PPIC: variants seen among roughly 807,000 people sequenced by gnomAD.
The protein encoded by PPIC is peptidylprolyl isomerase C, also known as peptidyl-prolyl cis-trans isomerase C.
Under a neutral mutation model 19.5 loss-of-function variants are expected in PPIC, and 19 were observed. That is an observed-to-expected ratio of 0.98 (90% confidence interval 0.68 to 1.43). PPIC has a LOEUF of 1.43. PPIC is among the 40% of genes most tolerant of loss of function. The pLI is 0.00. For missense variants in PPIC, 268 were observed against 268.6 expected (o/e 1.00, Z 0.02); for synonymous variants, 107 against 101.2 (o/e 1.06, Z -0.34).
At chr5:123,027,051 G>A (rs4997240) in intron 3 of PPIC, among the ~76,000 whole-genome samples, 2,467 of 152,150 alleles carry the variant, frequency 0.016, 59 homozygotes, top group African/African-American at 0.042. Context: ...AAAATCAGCC[G>A]GGCATGGTGG....
chr5:123,029,420 T>C lies in PPIC; in HGVS notation c.118-2A>G. The stretch of plus-strand genomic sequence containing the variant: ...TCCAATCCTCACATCAAAGAAGACC[T>C]GTGTGCAGTTGAAAGGCAAAGTGGA... On this transcript the variant is annotated splice_acceptor_variant, in intron 1 of 4. Transcript: ENST00000306442. LOFTEE classifies it high-confidence loss of function. 3.8e-6 allele frequency: 6 copies of C among 1,573,786 alleles called. No homozygotes were observed. The highest frequency in any genetic ancestry group is 1.2e-5 in the South Asian group (1 of 84,488).
chr5:123,032,416 GAGTAGAAAC>G (rs1561753141), intron 1 of PPIC, among the ~76,000 whole-genome samples: 1 of 152,206 alleles, frequency 6.6e-6, no homozygotes, highest in African/African-American at 2.4e-5. Flanking sequence ...AAACCCTAAG[GAGTAGAAAC>G]AGTGTTTTTA....
chr5:123,024,747 G>A (rs573138082), intron 4 of PPIC, among the ~76,000 whole-genome samples: 6 of 152,336 alleles, frequency 3.9e-5, no homozygotes, highest in South Asian at 4.1e-4. Context: ...GAACTGCAGC[G>A]AGCAAGACTG....
In PPIC at chr5:123,023,818, A is replaced by ACACACACACACACACACACACC; in HGVS notation, c.*56_*57insGGTGTGTGTGTGTGTGTGTGTG. 2 of 1,588,748 alleles carry ACACACACACACACACACACACC rather than the reference A, an allele frequency of 1.3e-6. No individual in the cohort carries two copies. Among genetic ancestry groups the ACACACACACACACACACACACC allele is most frequent in the Non-Finnish European group, 1.7e-6 (2 of 1,166,122 alleles). On this transcript the variant is annotated 3_prime_UTR_variant, in exon 5 of 5. Coordinates refer to ENST00000306442, the MANE Select transcript of PPIC (RefSeq NM_000943.5). ...TTGAAAGACAACACAACACACACAC[A>ACACACACACACACACACACACC]CACACACACACACACACACCCCTGC...
chr5:123,023,843 C>T lies in PPIC; in HGVS notation c.*32G>A, dbSNP rs966611319. The T allele has an allele frequency of 1.2e-6, 2 of 1,607,224 alleles. No individual in the cohort carries two copies. Among genetic ancestry groups the T allele is most frequent in the Non-Finnish European group, 1.7e-6 (2 of 1,176,818 alleles). ...ACACACACACACACACACACCCCTGCCAAAGCATATCCTTGTTTTCTGCCA... is the reference window on the plus strand; with the variant it reads ...ACACACACACACACACACACCCCTGTCAAAGCATATCCTTGTTTTCTGCCA... On this transcript the variant is annotated 3_prime_UTR_variant, in exon 5 of 5. Transcript: ENST00000306442.
chr5:123,027,533 C>T (rs567927478), intron 3 of PPIC, among the ~76,000 whole-genome samples: 2 of 152,282 alleles, frequency 1.3e-5, no homozygotes, highest in East Asian at 3.9e-4. Flanking sequence ...GATCCACGAG[C>T]GTCCTCAGCA....
Position 123,023,801 on chromosome 5 carries a change from C to A in PPIC, c.*74G>T. ...AAAAAAAAAGCAAATAATTGAAAGA[C>A]AACACAACACACACACACACACACA... On this transcript the variant is annotated 3_prime_UTR_variant, in exon 5 of 5. Transcript: ENST00000306442. 2.1e-6 allele frequency: 3 copies of A among 1,397,002 alleles called. No individual in the cohort carries two copies. The highest frequency in any genetic ancestry group is 1.7e-5 in the South Asian group (1 of 60,334). The allele number at this position is 1,397,002 out of a possible 1,614,324, so 86.5% of individuals were successfully genotyped here.
intron 4 of PPIC, among the ~76,000 whole-genome samples, chr5:123,025,522 C>T (rs1371482103): frequency 6.6e-6 from 1 of 152,018 alleles, no homozygotes; most frequent in Non-Finnish European, 1.5e-5. Flanking sequence ...ATATTGGTTC[C>T]ATTAAAAAGG....
Position 123,028,758 on chromosome 5 carries a change from A to G in PPIC, c.325+17T>C, listed in dbSNP as rs751039705. The G allele has an allele frequency of 2.5e-6, 4 of 1,594,408 alleles. No individual in the cohort carries two copies. The highest frequency in any genetic ancestry group is 1.7e-5 in the Admixed American group (1 of 58,520). ...TTCGGTTTGGTAAATGGGAAAGGAA[A>G]AATGCAAAGACGTTACCCCCAGTGC... On this transcript the variant is annotated intron_variant, in intron 3 of 4. Transcript: ENST00000306442.
chr5:123,025,737 T>C (rs756787273), intron 4 of PPIC, 47 bp downstream of exon 4: 11 of 1,554,312 alleles, frequency 7.1e-6, no homozygotes, highest in Non-Finnish European at 9.7e-6. Flanking sequence ...GAAAGTACTC[T>C]CAATAAAAAT....
At chr5:123,026,046 G>A (rs570496942) in intron 3 of PPIC, 78 bp from the exon 4 acceptor site, 195 of 1,260,540 alleles carry the variant, frequency 1.5e-4, no homozygotes, top group Middle Eastern at 9.3e-4. Context: ...AGGCCTTAGA[G>A]GAATCAATTA....
rs767757035 is a variant in PPIC at position 123,036,515 on chromosome 5, C to T, written c.111G>A (p.Thr37=). The T allele has an allele frequency of 6.2e-7, 1 of 1,606,526 alleles. No individual in the cohort carries two copies. The highest frequency in any genetic ancestry group is 8.5e-7 in the Non-Finnish European group (1 of 1,177,642). Residue 37 remains threonine, a synonymous_variant, in exon 1 of 5, where the codon ACG becomes ACA. Coordinates refer to ENST00000306442, the MANE Select transcript of PPIC (RefSeq NM_000943.5). This position sits in a 1 kb window ranked among gnomAD's most constrained non-coding sequence, Gnocchi z 4.5. ...GCCCGCCGCTCTCGGTCACCTTGGC[C>T]GTCACCGAGGGGCCTCGCTTGCGGA... ...EGFRKRGPSV[T]AKVFFDVRIG...
At chr5:123,026,740 G>A (rs1294380337) in intron 3 of PPIC, among the ~76,000 whole-genome samples, 3 of 152,204 alleles carry the variant, frequency 2.0e-5, no homozygotes, top group Non-Finnish European at 4.4e-5. Flanking sequence ...GAAGTCTGGA[G>A]TTCTAGCAAA....
intron 3 of PPIC, among the ~76,000 whole-genome samples, chr5:123,027,725 G>A (rs1311586867): frequency 1.3e-5 from 2 of 152,172 alleles, no homozygotes; most frequent in Admixed American, 1.3e-4. Flanking sequence ...ATTAGAAATA[G>A]TGCTTGAAAA....
intron 4 of PPIC, among the ~76,000 whole-genome samples, chr5:123,025,327 G>A (rs2150188356): frequency 6.6e-6 from 1 of 152,114 alleles, no homozygotes; most frequent in East Asian, 1.9e-4. Context: ...CCCAGCCCCT[G>A]GCAACTACCA....
At position 123,023,717 on chromosome 5, in the gene PPIC, G is replaced by T; in HGVS notation, c.*158C>A. The T allele has an allele frequency of 8.5e-7, 1 of 1,176,956 alleles. No individual in the cohort carries two copies. The highest frequency in any genetic ancestry group is 2.9e-5 in the East Asian group (1 of 33,906). The allele number at this position is 1,176,956 out of a possible 1,614,324, so 72.9% of individuals were successfully genotyped here. ...CTAAAGTTCAAGCAAACTAAAGGGT[G>T]ACGGTTTGATTTTTATAACTTTCCT... is the stretch of plus-strand genomic sequence containing the variant. On this transcript the variant is annotated 3_prime_UTR_variant, in exon 5 of 5. Coordinates refer to ENST00000306442, the MANE Select transcript of PPIC (RefSeq NM_000943.5).
intron 1 of PPIC, among the ~76,000 whole-genome samples, chr5:123,034,405 G>T (rs1259244085): frequency 2.0e-5 from 3 of 152,138 alleles, no homozygotes; most frequent in Non-Finnish European, 4.4e-5. Context: ...ACAGACAAGG[G>T]TTTAGGATGC....
intron 1 of PPIC, among the ~76,000 whole-genome samples, chr5:123,035,875 C>T (rs1336580149): frequency 1.3e-5 from 2 of 152,140 alleles, no homozygotes; most frequent in Non-Finnish European, 2.9e-5. Flanking sequence ...CTACAGGTGC[C>T]GCCTTCGCCC....
chr5:123,029,980 C>T (rs1762921686), intron 1 of PPIC, among the ~76,000 whole-genome samples: 1 of 152,282 alleles, frequency 6.6e-6, no homozygotes, highest in Non-Finnish European at 1.5e-5. Context: ...ACACAGCAGT[C>T]CTTCAAAAGG....
Sources: allele counts gnomAD v4.1 joint callset (sites outside exome capture counted in the v4.1 genomes callset), GRCh38; gene constraint gnomAD v4.1.1; non-coding constraint Gnocchi (gnomAD v3.1); transcripts MANE v1.5; gene names NCBI Gene and HGNC (gene_info 2026-07-23, HGNC 2026-07-21).